AOC2: variants seen among roughly 807,000 people sequenced by gnomAD.
The protein encoded by AOC2 is amine oxidase copper containing 2.
AOC2 carries 57 observed loss-of-function variants against 53.8 expected under a neutral mutation model. That is an observed-to-expected ratio of 1.06 (90% CI 0.86 to 1.32). The LOEUF is 1.32. Ranked by LOEUF, AOC2 falls within the 40% of genes most tolerant of loss-of-function variation. The probability of loss-of-function intolerance (pLI) is 0.00; values close to 1 mark genes in which losing one functional copy is unlikely to be tolerated. For synonymous variants in AOC2, 404 were observed against 399.0 expected (o/e 1.01, Z -0.15); for missense variants, 1,008 against 957.2 (o/e 1.05, Z -0.70).
At chr17:42,846,730 C>T (rs1211317666) in intron 1 of AOC2, among the ~76,000 whole-genome samples, 1 of 152,160 alleles carries the variant, frequency 6.6e-6, no homozygotes, top group Non-Finnish European at 1.5e-5. Flanking sequence ...GGCCACTCCT[C>T]ATCGGGAGGG....
Position 42,846,197 on chromosome 17 carries a change from T to A in AOC2, c.1571T>A (p.Leu524Gln), listed in dbSNP as rs2055598620. The A allele has an allele frequency of 6.6e-7, 1 of 1,509,182 alleles. No individual in the cohort carries two copies. Among genetic ancestry groups the A allele is most frequent in the Non-Finnish European group, 8.9e-7 (1 of 1,129,514 alleles). The allele number at this position is 1,509,182 out of a possible 1,614,324, so 93.5% of individuals were successfully genotyped here. A position where few individuals can be genotyped will look rare whatever the true frequency, so the allele number is the denominator to read the frequency against. Residue 524 changes from leucine (L) to glutamine (Q), a missense_variant, in exon 1 of 4, where the codon CTG (leucine) becomes CAG (glutamine). Physicochemically the swap from Leu to Gln is moderately radical, Grantham distance 113 (BLOSUM62 -2). Coordinates refer to ENST00000253799, the MANE Select transcript of AOC2 (RefSeq NM_009590.4). ...CACACACATGCCTTCCACTTCAAGCTGGACCTGGATGTGGCAGGTGAGTGC... is the reference window on the plus strand; with the variant it reads ...CACACACATGCCTTCCACTTCAAGCAGGACCTGGATGTGGCAGGTGAGTGC... ...TVHTHAFHFK[L>Q]DLDVAGLKNW...
In AOC2 at chr17:42,844,677, C is replaced by A. The variant is rs1408956727; in HGVS notation, c.51C>A (p.Ile17=). The part of the protein sequence containing the change: ...LAFLALSLIT[I]FALAYVLLTS... ...TCCTGGCACTGTCCCTCATTACCAT[C>A]TTTGCCCTGGCCTATGTTTTGCTGA... The change falls in exon 1 of 4, where the codon ATC becomes ATA. Residue 17 remains isoleucine, a synonymous_variant. Coordinates refer to ENST00000253799, the MANE Select transcript of AOC2 (RefSeq NM_009590.4). The A allele has an allele frequency of 1.2e-6, 2 of 1,614,088 alleles. No homozygotes were observed. Among genetic ancestry groups the A allele is most frequent in the Non-Finnish European group, 1.7e-6 (2 of 1,180,032 alleles).
rs1191147241 is a variant in AOC2, at chr17:42,847,678, G to A, written c.1589-1408G>A. ...CTGTCACCCAGGCTGGAGTGCAGCG[G>A]TGCAATCACAGGTTACTGCAGCCCT... On this transcript the variant is annotated intron_variant, in intron 1 of 3. Coordinates refer to ENST00000253799, the MANE Select transcript of AOC2 (RefSeq NM_009590.4). Among the ~76,000 whole-genome samples the A allele has an allele frequency of 2.6e-5, 4 of 152,208 alleles. No individual in the cohort carries two copies. In the East Asian group the frequency reaches 7.7e-4, roughly 29 times the overall value.
At chr17:42,846,252 G>T (rs374861104) in intron 1 of AOC2, 38 bp downstream of exon 1, 2 of 1,496,634 alleles carry the variant, frequency 1.3e-6, no homozygotes, top group Non-Finnish European at 1.8e-6. Flanking sequence ...ACTTGGGGGC[G>T]GGGTCAGGTG....
chr17:42,850,234 C>T lies in AOC2; in HGVS notation c.2157C>T (p.Val719=), dbSNP rs997944272. The T allele has an allele frequency of 6.2e-7, 1 of 1,614,086 alleles. No homozygotes were observed. The highest frequency in any genetic ancestry group is 1.7e-5 in the Admixed American group (1 of 60,002). Residue 719 remains valine (V), a synonymous_variant, in exon 4 of 4, where the codon GTC becomes GTT. Transcript: ENST00000253799. ...EDPSIFSPGS[V]YFEKGQDAGL... is the part of the protein sequence containing the mutation. ...CCTCCATCTTCTCCCCTGGCAGTGT[C>T]TACTTTGAGAAGGGCCAGGATGCTG...
chr17:42,848,868 T>C (rs1235940023), intron 1 of AOC2, among the ~76,000 whole-genome samples: 1 of 152,112 alleles, frequency 6.6e-6, no homozygotes, highest in Non-Finnish European at 1.5e-5. Context: ...TTAATTTTCA[T>C]AGCCACGTGT....
intron 3 of AOC2, 111 bp downstream of exon 3, chr17:42,849,841 A>T: frequency 2.6e-6 from 4 of 1,511,476 alleles, no homozygotes; most frequent in Non-Finnish European, 3.6e-6. Flanking sequence ...TCGCAGATTC[A>T]GAGGCCATGG....
In AOC2 at chr17:42,849,339, G is replaced by A; in HGVS notation, c.1842G>A (p.Glu614=). The A allele has an allele frequency of 6.2e-7, 1 of 1,613,496 alleles. No homozygotes were observed. Among genetic ancestry groups the A allele is most frequent in the South Asian group, 1.1e-5 (1 of 91,082 alleles). ...HSPLGIHIPL[E]SDMERALSWG... ...CCCTTGGCATACACATACCCCTGGA[G>A]AGTGACATGGAGAGGGCCCTCAGCT... Residue 614 remains glutamate (E), a synonymous_variant, in exon 2 of 4, where the codon GAG becomes GAA. Transcript: ENST00000253799.
rs747480689 is a variant in AOC2, at chr17:42,850,073, T to C, written c.2005-9T>C. On this transcript the variant is annotated splice_polypyrimidine_tract_variant and intron_variant, in intron 3 of 3. Coordinates refer to ENST00000253799, the MANE Select transcript of AOC2 (RefSeq NM_009590.4). Reference sequence around the variant, plus strand: ...TCCATAGTCCTCCAGCTCCTCCTTCTTCTTGCAGGATCTGGTGGCTTGGGT... The same window carrying C: ...TCCATAGTCCTCCAGCTCCTCCTTCCTCTTGCAGGATCTGGTGGCTTGGGT... 5 of 1,611,550 alleles carry C rather than the reference T, an allele frequency of 3.1e-6. No individual in the cohort carries two copies. The highest frequency in any genetic ancestry group is 4.2e-6 in the Non-Finnish European group (5 of 1,177,868).
chr17:42,849,107 C>A lies in AOC2; in HGVS notation c.1610C>A (p.Ala537Asp). ...GCAGGGCTGAAAAACTGGGTGGTAG[C>A]TGAAGACGTGGTGTTTAAACCTGTG... The part of the protein sequence containing the change: ...DVAGLKNWVV[A>D]EDVVFKPVAA... Residue 537 changes from alanine to aspartate, a missense_variant, in exon 2 of 4, where the codon GCT (alanine) becomes GAT (aspartate). Coordinates refer to ENST00000253799, the MANE Select transcript of AOC2 (RefSeq NM_009590.4). The A allele has an allele frequency of 6.2e-7, 1 of 1,609,638 alleles. No individual in the cohort carries two copies. Among genetic ancestry groups the A allele is most frequent in the Non-Finnish European group, 8.5e-7 (1 of 1,176,324 alleles).
chr17:42,849,236 C>A lies in AOC2; in HGVS notation c.1739C>A (p.Pro580His). ...LTAFSLGSPL[P>H]RYLYLASNQT... ...GCTTTTTCCTTGGGAAGCCCCCTAC[C>A]CCGCTACCTCTACCTGGCTAGCAAC... The change falls in exon 2 of 4, where the codon CCC becomes CAC. Residue 580 changes from proline to histidine, a missense_variant. Transcript: ENST00000253799. 3.1e-6 allele frequency: 5 copies of A among 1,614,194 alleles called. No homozygotes were observed. The highest frequency in any genetic ancestry group is 4.2e-6 in the Non-Finnish European group (5 of 1,180,030).
intron 3 of AOC2, 123 bp downstream of exon 3, chr17:42,849,853 G>C (rs1200938526): frequency 7.0e-7 from 1 of 1,438,524 alleles, no homozygotes; most frequent in African/African-American, 1.4e-5. Context: ...AGGCCATGGA[G>C]TTTTCTGATG....
In AOC2 at chr17:42,845,664, T is replaced by A; in HGVS notation, c.1038T>A (p.Val346=). Residue 346 remains valine (V), a synonymous_variant, in exon 1 of 4, where the codon GTT becomes GTA. Transcript: ENST00000253799. ...GVFSGLRIFD[V]RFQGERIAYE... ...TCAGCGGCCTGAGGATTTTTGATGT[T>A]CGGTTCCAGGGTGAGCGAATAGCCT... 1 of 1,614,196 alleles carries A rather than the reference T, an allele frequency of 6.2e-7. No individual in the cohort carries two copies.
rs758998773 is a variant in AOC2, at chr17:42,844,853, G to A, written c.227G>A (p.Gly76Glu). ...ATGCGCTTTCTGACCCAGCGGCTGG[G>A]GCCAGGGCTGGTGGACGCAGCCCAG... The part of the protein sequence containing the change: ...AVMRFLTQRL[G>E]PGLVDAAQAQ... The change falls in exon 1 of 4, where the codon GGG becomes GAG. Residue 76 changes from glycine (G) to glutamate (E), a missense_variant. By Grantham distance (98) the Gly-to-Glu change is moderately conservative (BLOSUM62 -2). Transcript: ENST00000253799. The A allele has an allele frequency of 1.2e-6, 2 of 1,612,118 alleles. No individual in the cohort carries two copies. The highest frequency in any genetic ancestry group is 1.7e-6 in the Non-Finnish European group (2 of 1,178,678).
In AOC2 at chr17:42,849,212, C is replaced by A; in HGVS notation, c.1715C>A (p.Ala572Asp). Residue 572 changes from alanine to aspartate, a missense_variant, in exon 2 of 4, where the codon GCT becomes GAT. Physicochemically the swap from Ala to Asp is moderately radical, Grantham distance 126 (BLOSUM62 -2). Transcript: ENST00000253799. ...RQVLGKEDLTAFSLGSPLPRY... is the reference protein window; with the variant it reads ...RQVLGKEDLTDFSLGSPLPRY... ...GTCCTGGGAAAGGAGGACCTGACAG[C>A]TTTTTCCTTGGGAAGCCCCCTACCC... The A allele has an allele frequency of 6.2e-7, 1 of 1,614,196 alleles. No homozygotes were observed. Among genetic ancestry groups the A allele is most frequent in the Non-Finnish European group, 8.5e-7 (1 of 1,180,030 alleles).
intron 1 of AOC2, among the ~76,000 whole-genome samples, chr17:42,846,893 C>T (rs1434194513): frequency 6.6e-6 from 1 of 152,242 alleles, no homozygotes; most frequent in East Asian, 1.9e-4. Context: ...AACTTACAGA[C>T]TCACACACTG....
In AOC2 at chr17:42,844,881, T is replaced by C; in HGVS notation, c.255T>C (p.Ala85=). Residue 85 remains alanine (A), a synonymous_variant, in exon 1 of 4, where the codon GCT becomes GCC. Coordinates refer to ENST00000253799, the MANE Select transcript of AOC2 (RefSeq NM_009590.4). ...CAGGGCTGGTGGACGCAGCCCAGGC[T>C]CAGCCCTCGGACAACTGCATCTTCT... ...LGPGLVDAAQ[A]QPSDNCIFSV... is the part of the protein sequence containing the mutation. The C allele has an allele frequency of 6.2e-7, 1 of 1,612,696 alleles. No individual in the cohort carries two copies. Among genetic ancestry groups the C allele is most frequent in the Non-Finnish European group, 8.5e-7 (1 of 1,179,140 alleles).
In AOC2 at chr17:42,849,078, C is replaced by A. The variant is rs750530050; in HGVS notation, c.1589-8C>A. The A allele has an allele frequency of 4.4e-6, 7 of 1,604,304 alleles. No individual in the cohort carries two copies. The highest frequency in any genetic ancestry group is 1.7e-4 in the Middle Eastern group (1 of 6,030). On this transcript the variant is annotated splice_polypyrimidine_tract_variant and splice_region_variant and intron_variant, in intron 1 of 3. Coordinates refer to ENST00000253799, the MANE Select transcript of AOC2 (RefSeq NM_009590.4). ...GTGGAACTCATCTCCTTTCCCTCCCCCTGGCAGGGCTGAAAAACTGGGTGG... is the reference window on the plus strand; with the variant it reads ...GTGGAACTCATCTCCTTTCCCTCCCACTGGCAGGGCTGAAAAACTGGGTGG...
Position 42,845,752 on chromosome 17 carries a change from A to G in AOC2, c.1126A>G (p.Thr376Ala), listed in dbSNP as rs763034775. ...YGADSPKTML[T>A]RYLDSSFGLG... ...TGCCGATTCACCCAAGACGATGCTGACTCGCTATTTGGATAGCAGCTTTGG... is the reference window on the plus strand; with the variant it reads ...TGCCGATTCACCCAAGACGATGCTGGCTCGCTATTTGGATAGCAGCTTTGG... The change falls in exon 1 of 4, where the codon ACT becomes GCT. Residue 376 changes from threonine to alanine, a missense_variant. Coordinates refer to ENST00000253799, the MANE Select transcript of AOC2 (RefSeq NM_009590.4). 42 of 1,613,740 alleles carry G rather than the reference A, an allele frequency of 2.6e-5. No individual in the cohort carries two copies. Among genetic ancestry groups the G allele is most frequent in the Non-Finnish European group, 3.6e-5 (42 of 1,179,990 alleles).
Sources: gnomAD v4.1 joint callset for allele counts (sites outside exome capture counted in the v4.1 genomes callset) on GRCh38, gnomAD v4.1.1 for gene constraint, MANE v1.5 for transcripts, NCBI Gene and HGNC (gene_info 2026-07-23, HGNC 2026-07-21) for gene names.